Variants in ASAH2 observed in about 807,000 individuals in gnomAD.
The protein encoded by ASAH2 is neutral ceramidase.
Under a neutral mutation model 82.9 loss-of-function variants are expected in ASAH2, and 58 were observed. The ratio of observed to expected loss-of-function variants is 0.70; its 90% CI spans 0.57 to 0.87. The LOEUF (loss-of-function observed/expected upper bound fraction) is 0.87. Among genes scored for constraint, ASAH2 ranks in the 40% least tolerant of loss-of-function variants. ASAH2 has a pLI of 0.00. For synonymous variants in ASAH2, 276 were observed against 289.7 expected, an observed-to-expected ratio of 0.95 and a Z score of 0.48; for missense variants, 779 against 834.0, an observed-to-expected ratio of 0.93 and a Z score of 0.81.
In ASAH2 at chr10:50,185,123, C is replaced by A. The variant is rs1844711375; in HGVS notation, c.*2192G>T. On this transcript the variant is annotated 3_prime_UTR_variant, in exon 21 of 21. Transcript: ENST00000682911. ...CTTTTTCCACCAATTTCAGGAGTTT[C>A]TGCCACATGGTTTGGCTCCAGTGAG... The A allele has an allele frequency of 6.6e-6, 1 of 151,092 alleles. No individual in the cohort carries two copies. The allele number at this position is 151,092 out of a possible 1,614,324, so 9.4% of individuals were successfully genotyped here. A position where few individuals can be genotyped will look rare whatever the true frequency, so the allele number is the denominator to read the frequency against.
intron 5 of ASAH2, 46 bp from the exon 6 acceptor site, chr10:50,234,598 G>A (rs1173298517): frequency 6.2e-7 from 1 of 1,611,736 alleles, no homozygotes; most frequent in Non-Finnish European, 8.5e-7. Context: ...AGAAATCCTG[G>A]TGGGGACAAT....
chr10:50,242,788 G>A (rs12358630), intron 4 of ASAH2, among the ~76,000 whole-genome samples: 16,654 of 152,174 alleles, frequency 0.11, 1,187 homozygotes, highest in Middle Eastern at 0.22. Context: ...TCAATGTTGC[G>A]TTTTAATTCG....
chr10:50,240,387 A>G, intron 4 of ASAH2: 1 of 699,186 alleles, frequency 1.4e-6, no homozygotes, highest in Non-Finnish European at 2.6e-6. Flanking sequence ...GACCCTCACC[A>G]ATAAAGCCTC....
In ASAH2 at chr10:50,185,977, G is replaced by T. The variant is rs1844735668; in HGVS notation, c.*1338C>A. 2.7e-5 allele frequency: 4 copies of T among 149,502 alleles called. No homozygotes were observed. Among genetic ancestry groups the T allele is most frequent in the African/African-American group, 5.0e-5 (2 of 39,830 alleles). The allele number at this position is 149,502 out of a possible 1,614,324, so 9.3% of individuals were successfully genotyped here. Reference sequence around the variant, plus strand: ...TCTGGGAGGTTGTAGTTAACTTAAAGAATTTTAAATGCAATTAGTACTTTC... The same window carrying T: ...TCTGGGAGGTTGTAGTTAACTTAAATAATTTTAAATGCAATTAGTACTTTC... On this transcript the variant is annotated 3_prime_UTR_variant, in exon 21 of 21. Coordinates refer to ENST00000682911, the MANE Select transcript of ASAH2 (RefSeq NM_019893.4).
At chr10:50,222,140 G>T (rs1409622093) in intron 7 of ASAH2, among the ~76,000 whole-genome samples, 2 of 152,202 alleles carry the variant, frequency 1.3e-5, no homozygotes, top group Non-Finnish European at 1.5e-5. Context: ...TGGGAATCAT[G>T]TTGATTGGCA....
At chr10:50,236,179 A>G (rs1342159729) in intron 4 of ASAH2, 115 bp from the exon 5 acceptor site, 1 of 902,164 alleles carries the variant, frequency 1.1e-6, no homozygotes, top group African/African-American at 1.6e-5. Flanking sequence ...GTATTAGTCC[A>G]TTCTCATGCT....
At chr10:50,248,102 G>A (rs1846519205) in intron 2 of ASAH2, among the ~76,000 whole-genome samples, 1 of 152,182 alleles carries the variant, frequency 6.6e-6, no homozygotes, top group Non-Finnish European at 1.5e-5. Context: ...CATTCATTCA[G>A]TGAGTCTTTC....
At chr10:50,240,276 C>T (rs983425783) in intron 4 of ASAH2, among the ~76,000 whole-genome samples, 3 of 152,172 alleles carry the variant, frequency 2.0e-5, no homozygotes, top group Non-Finnish European at 4.4e-5. Context: ...CTCCAGCTTC[C>T]CTTTCTTGTT....
At chr10:50,206,645 AC>A (rs1340599492) in intron 12 of ASAH2, among the ~76,000 whole-genome samples, 2 of 151,766 alleles carry the variant, frequency 1.3e-5, no homozygotes, top group Non-Finnish European at 2.9e-5. Flanking sequence ...TAACTATAAA[AC>A]TTATGAATTA....
rs1264348423 is a variant in ASAH2 at position 50,198,991 on chromosome 10, T to TACACACAC, written c.1857+52_1857+59dup. 38 of 1,438,822 alleles carry TACACACAC rather than the reference T, an allele frequency of 2.6e-5. No individual in the cohort carries two copies. The African/African-American group carries it at 4.8e-4, about 18-fold the overall frequency. 89.1% of individuals were successfully genotyped at this position (1,438,822 alleles called of 1,614,324 possible). On this transcript the variant is annotated intron_variant, in intron 17 of 20. Coordinates refer to ENST00000682911, the MANE Select transcript of ASAH2 (RefSeq NM_019893.4). The stretch of plus-strand genomic sequence containing the variant: ...ACCCAGACACAGACACATACAGACA[T>TACACACAC]ACACACACACACACACACACACGCA...
chr10:50,230,836 T>G (rs1034593016), intron 7 of ASAH2, among the ~76,000 whole-genome samples: 1 of 151,426 alleles, frequency 6.6e-6, no homozygotes, highest in Non-Finnish European at 1.5e-5. Context: ...AGACCAGGAG[T>G]TTGAGATCAG....
At chr10:50,220,159 C>G (rs1401779057) in intron 7 of ASAH2, among the ~76,000 whole-genome samples, 1 of 152,126 alleles carries the variant, frequency 6.6e-6, no homozygotes, top group Admixed American at 6.5e-5. Flanking sequence ...TTGATATAAT[C>G]AGGGAAGACC....
At chr10:50,235,823 C>A (rs912181143) in intron 5 of ASAH2, 65 bp downstream of exon 5, 12 of 1,545,750 alleles carry the variant, frequency 7.8e-6, no homozygotes, top group South Asian at 1.1e-5. Context: ...ATATCACATC[C>A]AATCACTCCT....
In ASAH2 at chr10:50,251,372, C is replaced by T. The variant is rs943004344; in HGVS notation, c.-37+23G>A. ...CAAGAGCCCTCCTTCCCTCCTTCCC[C>T]AAGAAAACATAGCTGTCCTTACCTG... On this transcript the variant is annotated intron_variant, in intron 1 of 20. Coordinates refer to ENST00000682911, the MANE Select transcript of ASAH2 (RefSeq NM_019893.4). Among the ~76,000 whole-genome samples the T allele has an allele frequency of 3.3e-5, 5 of 152,274 alleles. No homozygotes were observed. In the South Asian group the frequency reaches 1.0e-3, roughly 32 times the overall value.
At chr10:50,231,062 G>A (rs940733019) in intron 7 of ASAH2, among the ~76,000 whole-genome samples, 13 of 150,538 alleles carry the variant, frequency 8.6e-5, no homozygotes, top group African/African-American at 3.2e-4. Context: ...AAAAAAAAAG[G>A]TTCAAAAACT....
rs1844772160 is a variant in ASAH2, at chr10:50,187,134, AC to A, written c.*180del. On this transcript the variant is annotated 3_prime_UTR_variant, in exon 21 of 21. Transcript: ENST00000682911. ...CTCTCTCTCTCACACACACACACAC[AC>A]ACACACACACACACACACACACACA... 1 of 280,628 alleles carries A rather than the reference AC, an allele frequency of 3.6e-6. No individual in the cohort carries two copies. The highest frequency in any genetic ancestry group is 7.3e-6 in the Non-Finnish European group (1 of 136,662). 17.4% of individuals were successfully genotyped at this position (280,628 alleles called of 1,614,324 possible).
rs997413463 is a variant in ASAH2 at position 50,224,735 on chromosome 10, A to C, written c.894-6105T>G. On this transcript the variant is annotated intron_variant, in intron 7 of 20. Coordinates refer to ENST00000682911, the MANE Select transcript of ASAH2 (RefSeq NM_019893.4). ...TCTATCTTGTGTGGCACTTGCCATT[A>C]ATTACCTTCACACCCTCGTTTTCAC... Among the ~76,000 whole-genome samples the C allele has an allele frequency of 7.9e-3, 1,207 of 152,254 alleles. 8 individuals carry two copies. The highest frequency in any genetic ancestry group is 0.012 in the Non-Finnish European group (834 of 68,016).
intron 12 of ASAH2, among the ~76,000 whole-genome samples, chr10:50,208,080 C>G (rs1284500000): frequency 6.6e-6 from 1 of 151,802 alleles, no homozygotes; most frequent in African/African-American, 2.4e-5. Context: ...TGAGCAGATA[C>G]AGAGAGAAAT....
At chr10:50,200,306 G>A (rs1845106090) in intron 16 of ASAH2, among the ~76,000 whole-genome samples, 9 of 151,056 alleles carry the variant, frequency 6.0e-5, no homozygotes. Context: ...AGCATAGCAT[G>A]CAAGACTATC....
Sources: allele counts gnomAD v4.1 joint callset (sites outside exome capture counted in the v4.1 genomes callset), GRCh38; gene constraint gnomAD v4.1.1; transcripts MANE v1.5; gene names NCBI Gene and HGNC (gene_info 2026-07-23, HGNC 2026-07-21).